Variants in WDR41 observed in about 807,000 individuals in gnomAD.
WDR41 encodes WD repeat-containing protein 41.
Under a neutral mutation model 69.3 loss-of-function variants are expected in WDR41, and 63 were observed. That is an observed-to-expected ratio of 0.91 (90% CI 0.74 to 1.12). The LOEUF (loss-of-function observed/expected upper bound fraction) is 1.12, where lower values mean the gene tolerates loss of function less well. Among genes scored for constraint, WDR41 ranks in the 50% most tolerant of loss-of-function variants. WDR41 has a pLI of 0.00. For missense variants in WDR41, 543 were observed against 534.5 expected (o/e 1.02, Z -0.16); for synonymous variants, 185 against 192.1 (o/e 0.96, Z 0.31).
At chr5:77,546,220 G>C (rs1743194967) in intron 1 of WDR41, 5 of 399,620 alleles carry the variant, frequency 1.3e-5, no homozygotes, top group Non-Finnish European at 1.8e-5. Context: ...ACCCACTCTA[G>C]AGTCTCCGTG....
chr5:77,449,657 G>A, intron 8 of WDR41, 103 bp downstream of exon 8: 1 of 738,896 alleles, frequency 1.4e-6, no homozygotes. Flanking sequence ...CATTATTTTA[G>A]TGACTTATTC....
intron 1 of WDR41, among the ~76,000 whole-genome samples, chr5:77,574,285 G>A (rs865836114): frequency 1.3e-5 from 2 of 151,986 alleles, no homozygotes; most frequent in East Asian, 1.9e-4. Context: ...GCAACAGAGC[G>A]AGACTCCATC....
At chr5:77,526,367 T>A (rs1802447367) in intron 1 of WDR41, among the ~76,000 whole-genome samples, 1 of 152,124 alleles carries the variant, frequency 6.6e-6, no homozygotes, top group South Asian at 2.1e-4. Context: ...GATCCCTTAA[T>A]ATCATCTAAT....
Position 77,432,816 on chromosome 5 carries a change from C to A in WDR41, c.*319G>T. The A allele has an allele frequency of 5.2e-6, 1 of 192,108 alleles. No individual in the cohort carries two copies. The highest frequency in any genetic ancestry group is 2.0e-3 in the Middle Eastern group (1 of 512). The allele number at this position is 192,108 out of a possible 1,614,324, so 11.9% of individuals were successfully genotyped here. On this transcript the variant is annotated 3_prime_UTR_variant, in exon 13 of 13. Transcript: ENST00000296679. ...AAATAATAAAACTTCTAATAAATGCCATAACTTAACTATTACCTCTATTTG... is the reference window on the plus strand; with the variant it reads ...AAATAATAAAACTTCTAATAAATGCAATAACTTAACTATTACCTCTATTTG...
intron 1 of WDR41, among the ~76,000 whole-genome samples, chr5:77,598,159 T>TA (rs1437622072): frequency 1.3e-5 from 2 of 152,240 alleles, no homozygotes; most frequent in African/African-American, 4.8e-5. Flanking sequence ...GGTTAAATGC[T>TA]AGTGTCTAGA....
At position 77,453,722 on chromosome 5, in the gene WDR41, A is replaced by G; in HGVS notation, c.523+95T>C. ...CAGAACTGAAAAAGAAAAATCCCCT[A>G]TATTGACCTTTCTACTTATGGAAAG... On this transcript the variant is annotated intron_variant, in intron 6 of 12. Transcript: ENST00000296679. 6 of 948,326 alleles carry G rather than the reference A, an allele frequency of 6.3e-6. No homozygotes were observed. The Admixed American group carries it at 1.2e-4, about 19-fold the overall frequency. The allele number at this position is 948,326 out of a possible 1,614,324, so 58.7% of individuals were successfully genotyped here.
At chr5:77,577,542 A>C (rs1166831471) in intron 1 of WDR41, among the ~76,000 whole-genome samples, 2 of 152,212 alleles carry the variant, frequency 1.3e-5, no homozygotes, top group African/African-American at 2.4e-5. Flanking sequence ...ATAGAAATTC[A>C]TCTAAATACT....
At chr5:77,584,352 C>T (rs1017696110) in intron 1 of WDR41, among the ~76,000 whole-genome samples, 12 of 152,098 alleles carry the variant, frequency 7.9e-5, no homozygotes, top group African/African-American at 2.2e-4. Flanking sequence ...AAGGGATACA[C>T]TAAAAAACTA....
chr5:77,448,047 T>C (rs566916852), intron 8 of WDR41, among the ~76,000 whole-genome samples: 15 of 152,322 alleles, frequency 9.8e-5, no homozygotes, highest in African/African-American at 2.6e-4. Flanking sequence ...CCTCTGCATA[T>C]CACATGGTAA....
chr5:77,448,622 C>T (rs1295588254), intron 8 of WDR41, among the ~76,000 whole-genome samples: 7 of 152,060 alleles, frequency 4.6e-5, no homozygotes, highest in African/African-American at 1.7e-4. Flanking sequence ...GTAATCTCAG[C>T]ACTGTGGGAG....
At chr5:77,527,196 T>C (rs553854175) in intron 1 of WDR41, among the ~76,000 whole-genome samples, 2 of 151,986 alleles carry the variant, frequency 1.3e-5, no homozygotes, top group South Asian at 4.2e-4. Context: ...AGTGAAAACA[T>C]AGACTGTCAG....
At chr5:77,464,887 AT>A in intron 2 of WDR41, 78 bp from the exon 3 acceptor site, 1 of 1,422,938 alleles carries the variant, frequency 7.0e-7, no homozygotes, top group Non-Finnish European at 9.9e-7. Flanking sequence ...ATCAAACCTT[AT>A]TAGTGGTATT....
chr5:77,461,912 T>C (rs1800084841), intron 4 of WDR41, among the ~76,000 whole-genome samples: 1 of 152,090 alleles, frequency 6.6e-6, no homozygotes, highest in Admixed American at 6.5e-5. Context: ...TCCATAGCAC[T>C]TGACTCTGGA....
At chr5:77,578,162 A>C (rs1235279887) in intron 1 of WDR41, among the ~76,000 whole-genome samples, 1 of 152,206 alleles carries the variant, frequency 6.6e-6, no homozygotes, top group Non-Finnish European at 1.5e-5. Flanking sequence ...TGTCAAAAAA[A>C]TCATAAGTCG....
At chr5:77,439,529 T>C (rs1799078267) in intron 9 of WDR41, among the ~76,000 whole-genome samples, 1 of 152,228 alleles carries the variant, frequency 6.6e-6, no homozygotes, top group Admixed American at 6.5e-5. Context: ...ACTCATTCTA[T>C]AGACCAGGAA....
intron 12 of WDR41, among the ~76,000 whole-genome samples, chr5:77,434,187 T>C (rs919841675): frequency 6.6e-6 from 1 of 151,966 alleles, no homozygotes; most frequent in Non-Finnish European, 1.5e-5. Context: ...GCTGGGTATC[T>C]GTAATCCCAG....
intron 1 of WDR41, among the ~76,000 whole-genome samples, chr5:77,617,405 C>T (rs1262842471): frequency 6.6e-6 from 1 of 152,158 alleles, no homozygotes; most frequent in Non-Finnish European, 1.5e-5. Context: ...CACACACACA[C>T]ACAGATGCAT....
intron 2 of WDR41, among the ~76,000 whole-genome samples, chr5:77,468,838 A>AT (rs560801225): frequency 1.3e-5 from 2 of 152,118 alleles, no homozygotes; most frequent in African/African-American, 2.4e-5. Flanking sequence ...TCATCTCATC[A>AT]TTTTTTTTGT....
intron 2 of WDR41, among the ~76,000 whole-genome samples, chr5:77,469,839 G>A (rs562485334): frequency 3.9e-5 from 6 of 152,292 alleles, no homozygotes; most frequent in East Asian, 1.9e-4. Flanking sequence ...ATGGAACCAA[G>A]TTGGAAAACA....
Sources: allele counts gnomAD v4.1 joint callset (sites outside exome capture counted in the v4.1 genomes callset), GRCh38; gene constraint gnomAD v4.1.1; transcripts MANE v1.5; gene names NCBI Gene and HGNC (gene_info 2026-07-23, HGNC 2026-07-21).